PHF6: variants seen among roughly 807,000 people sequenced by gnomAD.
The protein encoded by PHF6 is PHD finger protein 6.
A neutral mutation model predicts 34.0 loss-of-function variants in PHF6; 7 were observed. That is an observed-to-expected ratio of 0.21 (90% CI 0.12 to 0.39). The LOEUF (loss-of-function observed/expected upper bound fraction) is 0.39. Ranked by LOEUF, PHF6 falls within the 10% of genes least tolerant of loss-of-function variation. PHF6 has a pLI of 1.00. For missense variants in PHF6, 128 were observed against 262.8 expected, an observed-to-expected ratio of 0.49 and a Z score of 3.55; for synonymous variants, 89 against 88.4, an observed-to-expected ratio of 1.01 and a Z score of -0.04.
At chrX:134,419,288 T>G (rs1218600157) in intron 9 of PHF6, 1 of 111,077 alleles carries the variant, frequency 9.0e-6, no homozygotes, top group Non-Finnish European at 1.9e-5. Context: ...TTTGGGAGGC[T>G]TAGGTGGGAG....
rs1294339716 is a variant in PHF6 at position 134,415,437 on chromosome X, G to A, written c.834+317G>A. 5 of 319,006 alleles carry A rather than the reference G, an allele frequency of 1.6e-5. No homozygotes were observed. The East Asian group carries it at 2.6e-4, about 17-fold the overall frequency. 26.3% of individuals were successfully genotyped at this position (319,006 alleles called of 1,213,427 possible). The stretch of plus-strand genomic sequence containing the variant: ...CATTAAGTTTAAAATGTTACATTGT[G>A]TAAGCTTGCTTAAAGGAAATTTTTT... On this transcript the variant is annotated intron_variant, in intron 8 of 10. Coordinates refer to ENST00000370803, the MANE Select transcript of PHF6 (RefSeq NM_001015877.2).
intron 5 of PHF6, among the ~76,000 whole-genome samples, chrX:134,394,944 C>T (rs1168242314): frequency 8.3e-5 from 9 of 108,791 alleles, no homozygotes. Flanking sequence ...CCTCTGCCTC[C>T]TGGGTTCAAG....
intron 5 of PHF6, among the ~76,000 whole-genome samples, chrX:134,408,568 A>T (rs776422427): frequency 1.9e-5 from 2 of 105,014 alleles, no homozygotes; most frequent in Non-Finnish European, 3.9e-5. Context: ...GCCTCTGTTC[A>T]TGTTTTTTTG....
At chrX:134,387,622 A>G (rs2077337776) in intron 3 of PHF6, among the ~76,000 whole-genome samples, 1 of 111,909 alleles carries the variant, frequency 8.9e-6, no homozygotes, top group African/African-American at 3.2e-5. Flanking sequence ...CCAATAAGAT[A>G]ATTTATATTC....
chrX:134,417,754 G>A (rs2077477197), intron 9 of PHF6: 2 of 116,906 alleles, frequency 1.7e-5, no homozygotes, highest in Admixed American at 9.0e-5. Context: ...AGCTACTCGG[G>A]AGGCTGAGGC....
intron 9 of PHF6, among the ~76,000 whole-genome samples, chrX:134,420,587 G>T (rs995784381): frequency 4.6e-5 from 5 of 109,483 alleles, no homozygotes; most frequent in African/African-American, 6.7e-5. Context: ...AACACACAAA[G>T]CTTTGTTTTG....
chrX:134,404,300 G>A (rs1007703325), intron 5 of PHF6, among the ~76,000 whole-genome samples: 1 of 112,039 alleles, frequency 8.9e-6, no homozygotes, highest in Admixed American at 9.5e-5. Flanking sequence ...TCAAGACTTC[G>A]GTGGAGGAAG....
chrX:134,412,231 T>G (rs1157781444), intron 5 of PHF6, among the ~76,000 whole-genome samples: 2 of 112,312 alleles, frequency 1.8e-5, no homozygotes, highest in Admixed American at 1.9e-4. Context: ...CACTATGCAA[T>G]AACTTTTACC....
intron 3 of PHF6, among the ~76,000 whole-genome samples, chrX:134,384,134 T>G (rs765293630): frequency 1.8e-5 from 2 of 111,893 alleles, no homozygotes; most frequent in Non-Finnish European, 3.8e-5. Context: ...TACTTAGCAT[T>G]TTAAAGAAAC....
intron 3 of PHF6, among the ~76,000 whole-genome samples, chrX:134,381,185 C>T (rs1277053972): frequency 9.0e-6 from 1 of 111,151 alleles, no homozygotes; most frequent in Admixed American, 9.6e-5. Flanking sequence ...TGCTCCGTTT[C>T]CTTCCCTTAG....
chrX:134,387,130 A>G (rs1260201539), intron 3 of PHF6, among the ~76,000 whole-genome samples: 2 of 111,448 alleles, frequency 1.8e-5, no homozygotes, highest in South Asian at 3.8e-4. Context: ...GTATGCAGAT[A>G]TTTTACCAGT....
intron 3 of PHF6, among the ~76,000 whole-genome samples, chrX:134,383,115 C>T (rs889392832): frequency 9.1e-6 from 1 of 110,356 alleles, no homozygotes; most frequent in Non-Finnish European, 1.9e-5. Flanking sequence ...TGGCATGTTC[C>T]TGTAGACCTA....
rs4830285 is a variant in PHF6 at position 134,413,346 on chromosome X, T to C, written c.419-145T>C. The C allele has an allele frequency of 0.041, 18,630 of 456,187 alleles. 860 individuals carry two copies. The highest frequency in any genetic ancestry group is 0.26 in the Admixed American group (6,134 of 23,417). The allele number at this position is 456,187 out of a possible 1,213,427, so 37.6% of individuals were successfully genotyped here. On this transcript the variant is annotated intron_variant, in intron 5 of 10. Coordinates refer to ENST00000370803, the MANE Select transcript of PHF6 (RefSeq NM_001015877.2). ...TATTGCATTTATCTGAAACATTGGGTGGCTTTATTGAACATACCACAGACC... is the reference window on the plus strand; with the variant it reads ...TATTGCATTTATCTGAAACATTGGGCGGCTTTATTGAACATACCACAGACC...
At chrX:134,417,478 T>C in intron 9 of PHF6, 176 bp downstream of exon 9, 1 of 448,305 alleles carries the variant, frequency 2.2e-6, no homozygotes. Context: ...TACATATCCC[T>C]GGATTAGCAT....
chrX:134,399,054 C>G (rs938524256), intron 5 of PHF6, among the ~76,000 whole-genome samples: 1 of 110,714 alleles, frequency 9.0e-6, no homozygotes, highest in African/African-American at 3.3e-5. Context: ...AAGGATGGGC[C>G]TGCAAAGGGA....
At chrX:134,383,713 G>A (rs760545203) in intron 3 of PHF6, among the ~76,000 whole-genome samples, 1 of 111,800 alleles carries the variant, frequency 8.9e-6, no homozygotes, top group African/African-American at 3.2e-5. Flanking sequence ...TACATGTGAG[G>A]AAATTGAGGC....
intron 5 of PHF6, among the ~76,000 whole-genome samples, chrX:134,405,074 C>T (rs2077417296): frequency 9.0e-6 from 1 of 111,633 alleles, no homozygotes; most frequent in Non-Finnish European, 1.9e-5. Flanking sequence ...TTTAAACTTC[C>T]ACCTGCTTTT....
At chrX:134,386,993 T>C (rs2077334783) in intron 3 of PHF6, among the ~76,000 whole-genome samples, 1 of 111,819 alleles carries the variant, frequency 8.9e-6, no homozygotes, top group Non-Finnish European at 1.9e-5. Context: ...GTAACTTTTC[T>C]TCCTGAAGAT....
chrX:134,402,414 T>C (rs2077406329), intron 5 of PHF6, among the ~76,000 whole-genome samples: 1 of 112,218 alleles, frequency 8.9e-6, no homozygotes, highest in African/African-American at 3.2e-5. Context: ...GGGAAGGCAG[T>C]ATTATACACT....
Sources: allele counts gnomAD v4.1 joint callset (sites outside exome capture counted in the v4.1 genomes callset), GRCh38; gene constraint gnomAD v4.1.1; transcripts MANE v1.5; gene names NCBI Gene and HGNC (gene_info 2026-07-23, HGNC 2026-07-21).